Variants in CELF2 observed in about 807,000 individuals in gnomAD.
CELF2 encodes CUG triplet repeat RNA-binding protein 2.
CELF2 carries 8 observed loss-of-function variants against 62.6 expected under a neutral mutation model. That is an observed-to-expected ratio of 0.13 (90% CI 0.07 to 0.23). The LOEUF is 0.23. Among genes scored for constraint, CELF2 ranks in the 10% least tolerant of loss-of-function variants. The pLI is 1.00. For missense variants in CELF2, 333 were observed against 671.0 expected (o/e 0.50, Z 5.56); for synonymous variants, 258 against 250.0 (o/e 1.03, Z -0.30).
At chr10:10,795,039 G>A (rs1433742189), upstream of CELF2, 1 of 151,990 alleles carries the variant, frequency 6.6e-6, no homozygotes, top group Non-Finnish European at 1.5e-5. Flanking sequence ...CAGAGGGTTG[G>A]GTTTGCTTGG....
intron 1 of CELF2, among the ~76,000 whole-genome samples, chr10:10,883,199 G>A (rs1324699934): frequency 1.3e-5 from 2 of 152,096 alleles, no homozygotes; most frequent in Non-Finnish European, 2.9e-5. Context: ...ATAGAGCTTA[G>A]CAAATTAACA....
chr10:10,768,637 G>A, the CELF2 span, among the ~76,000 whole-genome samples: 8 of 149,156 alleles, frequency 5.4e-5, 1 homozygote, highest in South Asian at 4.2e-4. Flanking sequence ...GCAGTGACAC[G>A]ATCTCAGCTC....
At chr10:11,175,108 C>T (rs1019830034) in intron 2 of CELF2, among the ~76,000 whole-genome samples, 2 of 152,028 alleles carry the variant, frequency 1.3e-5, no homozygotes, top group Admixed American at 1.3e-4. Context: ...GCACCAGACA[C>T]CAAGTGTTAC....
chr10:10,624,488 C>G, the CELF2 span, among the ~76,000 whole-genome samples: 1 of 152,164 alleles, frequency 6.6e-6, no homozygotes, highest in Non-Finnish European at 1.5e-5. Flanking sequence ...ATCTAGCTCC[C>G]TTCATCTATT....
intron 1 of CELF2, among the ~76,000 whole-genome samples, chr10:10,840,278 A>G (rs1012403570): frequency 4.6e-5 from 7 of 152,220 alleles, no homozygotes; most frequent in Non-Finnish European, 1.5e-5. Flanking sequence ...TTTGTGAGAA[A>G]CTGGCAAACT....
chr10:10,839,638 T>G (rs572174127), intron 1 of CELF2, among the ~76,000 whole-genome samples: 1 of 152,362 alleles, frequency 6.6e-6, no homozygotes, highest in Admixed American at 6.5e-5. Context: ...TTGGTGAGGT[T>G]GCTTCAAATG....
intron 1 of CELF2, among the ~76,000 whole-genome samples, chr10:10,884,009 T>G (rs1382792738): frequency 3.3e-5 from 5 of 151,582 alleles, no homozygotes; most frequent in Non-Finnish European, 7.4e-5. Context: ...CTCCCCTCCC[T>G]CCTGCTCTTC....
the CELF2 span, among the ~76,000 whole-genome samples, chr10:10,485,596 C>A: frequency 6.6e-6 from 1 of 152,218 alleles, no homozygotes; most frequent in East Asian, 1.9e-4. Context: ...ATAATCTCTG[C>A]TCTATTTGTG....
intron 3 of CELF2, among the ~76,000 whole-genome samples, chr10:11,248,133 G>A (rs2076165196): frequency 6.6e-6 from 1 of 152,222 alleles, no homozygotes; most frequent in Non-Finnish European, 1.5e-5. Flanking sequence ...CATTTGCGCA[G>A]CCAGTGATTC....
At chr10:11,238,474 TAAAA>T (rs2072434566) in intron 3 of CELF2, among the ~76,000 whole-genome samples, 2 of 152,256 alleles carry the variant, frequency 1.3e-5, no homozygotes, top group African/African-American at 4.8e-5. Flanking sequence ...AACTTTTAAA[TAAAA>T]ACTAGTTTTG....
chr10:10,667,754 CAGA>C, the CELF2 span, among the ~76,000 whole-genome samples: 1 of 152,204 alleles, frequency 6.6e-6, no homozygotes, highest in Non-Finnish European at 1.5e-5. Flanking sequence ...AATTTGGAAT[CAGA>C]AGAAGTCAGA....
the CELF2 span, among the ~76,000 whole-genome samples, chr10:10,501,633 A>G: frequency 0.02 from 3,056 of 152,194 alleles, 93 homozygotes; most frequent in African/African-American, 0.07. Context: ...TGATTTTTAT[A>G]TATTTATCTT....
chr10:10,833,466 G>T (rs1403958306), intron 1 of CELF2, among the ~76,000 whole-genome samples: 1 of 152,194 alleles, frequency 6.6e-6, no homozygotes, highest in African/African-American at 2.4e-5. Flanking sequence ...CAGGCCAAGA[G>T]TAAGACCTTG....
chr10:11,005,105 T>G, upstream of CELF2: 1 of 985,324 alleles, frequency 1.0e-6, no homozygotes. The surrounding 1 kb of genome is among the most constrained non-coding windows in gnomAD (Gnocchi z 4.3). Flanking sequence ...ACAAGACCCC[T>G]ATAGGCAGCA....
the CELF2 span, among the ~76,000 whole-genome samples, chr10:10,712,387 T>C: frequency 1.3e-5 from 2 of 152,170 alleles, no homozygotes; most frequent in Non-Finnish European, 2.9e-5. Flanking sequence ...TCTGTTGACT[T>C]CCATGATTTA....
intron 8 of CELF2, among the ~76,000 whole-genome samples, chr10:11,279,996 C>T (rs1455258246): frequency 6.6e-6 from 1 of 152,110 alleles, no homozygotes. Context: ...TTCATGAAGT[C>T]AAATGCAGTT....
the CELF2 span, among the ~76,000 whole-genome samples, chr10:10,617,783 G>C: frequency 6.6e-6 from 1 of 152,188 alleles, no homozygotes; most frequent in African/African-American, 2.4e-5. Context: ...AAAGCACAAA[G>C]CTTTACTGGA....
intron 8 of CELF2, among the ~76,000 whole-genome samples, chr10:11,286,597 A>G (rs551712242): frequency 3.3e-5 from 5 of 152,238 alleles, no homozygotes; most frequent in Admixed American, 6.5e-5. Context: ...GGCAATTTGC[A>G]TATTTCCTCC....
chr10:11,286,568 T>A (rs998020998), intron 8 of CELF2, among the ~76,000 whole-genome samples: 4 of 152,232 alleles, frequency 2.6e-5, no homozygotes, highest in Non-Finnish European at 4.4e-5. Flanking sequence ...TGGGGCCATG[T>A]TGGTCTGCAG....
Sources: allele counts gnomAD v4.1 joint callset (sites outside exome capture counted in the v4.1 genomes callset), GRCh38; gene constraint gnomAD v4.1.1; non-coding constraint Gnocchi (gnomAD v3.1); transcripts MANE v1.5; gene names NCBI Gene and HGNC (gene_info 2026-07-23, HGNC 2026-07-21).